SALL2: variants seen among roughly 807,000 people sequenced by gnomAD.
The protein encoded by SALL2 is sal-like protein 2.
In SALL2, 32 loss-of-function variants were observed where a neutral mutation model predicts 58.5. The observed-to-expected ratio is 0.55, with a 90% CI of 0.41 to 0.74. The LOEUF is 0.74. SALL2 is among the 30% of genes least tolerant of loss of function. The pLI is 0.00. For missense variants in SALL2, 1,201 were observed against 1,268.9 expected (o/e 0.95, Z 0.81); for synonymous variants, 516 against 513.6 (o/e 1.00, Z -0.06).
Position 21,526,135 on chromosome 14 carries a change from G to A in SALL2, c.-8C>T, listed in dbSNP as rs1267607978. The A allele has an allele frequency of 1.3e-6, 2 of 1,540,848 alleles. No homozygotes were observed. Among genetic ancestry groups the A allele is most frequent in the Non-Finnish European group, 1.7e-6 (2 of 1,149,684 alleles). On this transcript the variant is annotated 5_prime_UTR_variant, in exon 1 of 2. Coordinates refer to ENST00000537235, the MANE Select transcript of SALL2 (RefSeq NM_001364564.1). ...CTCGGATTCGTGCGCCATGGTTGTGGGGGAAGTGGAGGGCCAGGTGGGGTG... is the reference window on the plus strand; with the variant it reads ...CTCGGATTCGTGCGCCATGGTTGTGAGGGAAGTGGAGGGCCAGGTGGGGTG...
At chr14:21,526,786 C>T (rs1892329481), upstream of SALL2, among the ~76,000 whole-genome samples, 1 of 152,142 alleles carries the variant, frequency 6.6e-6, no homozygotes, top group Admixed American at 6.5e-5. Context: ...ATCCACTCCT[C>T]ACCAGCACAC....
At position 21,522,498 on chromosome 14, in the gene SALL2, A is replaced by G; in HGVS notation, c.*206T>C. On this transcript the variant is annotated 3_prime_UTR_variant, in exon 2 of 2. Coordinates refer to ENST00000537235, the MANE Select transcript of SALL2 (RefSeq NM_001364564.1). ...CTATGTTCCTCAGGTACAAAGAATG[A>G]GGAGGGAAGAAAAATTCCTTAGGGG... The G allele has an allele frequency of 7.2e-7, 1 of 1,388,622 alleles. No homozygotes were observed. The highest frequency in any genetic ancestry group is 1.9e-5 in the South Asian group (1 of 53,408). 86.0% of individuals were successfully genotyped at this position (1,388,622 alleles called of 1,614,324 possible). A position where few individuals can be genotyped will look rare whatever the true frequency, so the allele number is the denominator to read the frequency against.
rs1270525206 is a variant in SALL2 at position 21,524,342 on chromosome 14, C to T, written c.1380G>A (p.Glu460=). The change falls in exon 2 of 2, where the codon GAG becomes GAA. Residue 460 remains glutamate, a synonymous_variant. Coordinates refer to ENST00000537235, the MANE Select transcript of SALL2 (RefSeq NM_001364564.1). ...CTCCACCTGGAGTGGCTGCCTCCTC[C>T]TCGGCCTTCTCTGGTGGCACGGACA... ...YGMSVPPEKA[E]EEAATPGGGV... The T allele has an allele frequency of 6.2e-7, 1 of 1,614,036 alleles. No homozygotes were observed. The highest frequency in any genetic ancestry group is 1.1e-5 in the South Asian group (1 of 91,080).
At position 21,525,800 on chromosome 14, in the gene SALL2, G is replaced by T. The variant is rs1892278290; in HGVS notation, c.68-146C>A. 2.2e-6 allele frequency: 2 copies of T among 910,516 alleles called. No individual in the cohort carries two copies. Among genetic ancestry groups the T allele is most frequent in the South Asian group, 1.7e-5 (1 of 57,826 alleles). 56.4% of individuals were successfully genotyped at this position (910,516 alleles called of 1,614,324 possible). Reference sequence around the variant, plus strand: ...GGGCCATGCAGAAGTCTAGAGCTCAGGCCTGATCCGTGTGGACAGGAGACA... The same window carrying T: ...GGGCCATGCAGAAGTCTAGAGCTCATGCCTGATCCGTGTGGACAGGAGACA... On this transcript the variant is annotated intron_variant, in intron 1 of 1. Transcript: ENST00000537235. This position sits in a 1 kb window ranked among gnomAD's most constrained non-coding sequence, Gnocchi z 4.4.
In SALL2 at chr14:21,526,083, G is replaced by A. The variant is rs1202727888; in HGVS notation, c.45C>T (p.Cys15=). 4.6e-6 allele frequency: 7 copies of A among 1,517,736 alleles called. No individual in the cohort carries two copies. The highest frequency in any genetic ancestry group is 1.4e-5 in the African/African-American group (1 of 72,216). The allele number at this position is 1,517,736 out of a possible 1,614,324, so 94.0% of individuals were successfully genotyped here. ...CACCTCCGAGCTCTGCCGGCTCCCCGCAGGGCACCCCGAGACGAGAGCTCC... is the reference window on the plus strand; with the variant it reads ...CACCTCCGAGCTCTGCCGGCTCCCCACAGGGCACCCCGAGACGAGAGCTCC... ...SERSSRLGVP[C]GEPAELGGDA... Residue 15 remains cysteine (C), a synonymous_variant, in exon 1 of 2, where the codon TGC becomes TGT. Coordinates refer to ENST00000537235, the MANE Select transcript of SALL2 (RefSeq NM_001364564.1).
rs3177954 is a variant in SALL2 at position 21,521,695 on chromosome 14, T to C, written c.*1009A>G. On this transcript the variant is annotated 3_prime_UTR_variant, in exon 2 of 2. Coordinates refer to ENST00000537235, the MANE Select transcript of SALL2 (RefSeq NM_001364564.1). ...TCTCTCATCATTAGTTCATCAACCA[T>C]GCTGACCAAAAATGCTCCTTAAAGA... The C allele has an allele frequency of 0.23, 68,277 of 290,628 alleles. 8,346 individuals carry two copies. The highest frequency in any genetic ancestry group is 0.25 in the Non-Finnish European group (37,945 of 152,504). 18.0% of individuals were successfully genotyped at this position (290,628 alleles called of 1,614,324 possible).
rs967236390 is a variant in SALL2 at position 21,526,292 on chromosome 14, G to A, written c.-165C>T. 1.4e-6 allele frequency: 2 copies of A among 1,439,052 alleles called. No individual in the cohort carries two copies. Among genetic ancestry groups the A allele is most frequent in the Admixed American group, 2.8e-5 (1 of 36,206 alleles). The allele number at this position is 1,439,052 out of a possible 1,614,324, so 89.1% of individuals were successfully genotyped here. On this transcript the variant is annotated 5_prime_UTR_variant, in exon 1 of 2. Transcript: ENST00000537235. ...GCAGGGAGCAGCGGCGGAGGGGGAG[G>A]GGAGCGAGGAGGCGGGGAGAAGCTG...
chr14:21,522,489 C>A lies in SALL2; in HGVS notation c.*215G>T. 4 of 1,391,734 alleles carry A rather than the reference C, an allele frequency of 2.9e-6. No homozygotes were observed. The highest frequency in any genetic ancestry group is 3.7e-6 in the Non-Finnish European group (4 of 1,077,686). The allele number at this position is 1,391,734 out of a possible 1,614,324, so 86.2% of individuals were successfully genotyped here. A position where few individuals can be genotyped will look rare whatever the true frequency, so the allele number is the denominator to read the frequency against. On this transcript the variant is annotated 3_prime_UTR_variant, in exon 2 of 2. Transcript: ENST00000537235. ...GCAGAGAATCTATGTTCCTCAGGTA[C>A]AAAGAATGAGGAGGGAAGAAAAATT...
chr14:21,530,281 C>CTTT (rs34598628), upstream of SALL2, among the ~76,000 whole-genome samples: 414 of 64,708 alleles, frequency 6.4e-3, no homozygotes, highest in African/African-American at 9.0e-3. Context: ...TTTTTTCTTT[C>CTTT]TTTTTTTTTT....
At position 21,524,220 on chromosome 14, in the gene SALL2, G is replaced by A; in HGVS notation, c.1502C>T (p.Pro501Leu). Residue 501 changes from proline to leucine, a missense_variant, in exon 2 of 2, where the codon CCA (proline) becomes CTA (leucine). Transcript: ENST00000537235. ...AAACTTATTGAAAGCAGGGAGTCCT[G>A]GAGCCGTGGCTGTGCCTGCACTGGT... ...LSTSAGTATA[P>L]GLPAFNKFVL... The A allele has an allele frequency of 1.2e-6, 2 of 1,612,578 alleles. No individual in the cohort carries two copies. The highest frequency in any genetic ancestry group is 1.7e-6 in the Non-Finnish European group (2 of 1,179,190).
At position 21,522,433 on chromosome 14, in the gene SALL2, G is replaced by T; in HGVS notation, c.*271C>A. ...GAGGGGGAAGAAGGGTCACACCAGG[G>T]AAGCTGGAGAGGGTTCCCCTTGAGA... On this transcript the variant is annotated 3_prime_UTR_variant, in exon 2 of 2. Transcript: ENST00000537235. 1.4e-6 allele frequency: 2 copies of T among 1,409,926 alleles called. No individual in the cohort carries two copies. The highest frequency in any genetic ancestry group is 1.8e-6 in the Non-Finnish European group (2 of 1,085,736). The allele number at this position is 1,409,926 out of a possible 1,614,324, so 87.3% of individuals were successfully genotyped here. A position where few individuals can be genotyped will look rare whatever the true frequency, so the allele number is the denominator to read the frequency against.
intron 1 of SALL2, among the ~76,000 whole-genome samples, chr14:21,534,539 T>C (rs1286872436): frequency 2.0e-5 from 3 of 152,118 alleles, no homozygotes; most frequent in African/African-American, 7.2e-5. Context: ...AGACAGCCGC[T>C]AAAGATAGCT....
Position 21,525,952 on chromosome 14 carries a change from G to A in SALL2, c.67+109C>T. Reference sequence around the variant, plus strand: ...TTCACGGAATAGGTGTGGGGACAGGGGCCTACGCAGAGAATCATGCATTTT... The same window carrying A: ...TTCACGGAATAGGTGTGGGGACAGGAGCCTACGCAGAGAATCATGCATTTT... On this transcript the variant is annotated intron_variant, in intron 1 of 1. Coordinates refer to ENST00000537235, the MANE Select transcript of SALL2 (RefSeq NM_001364564.1). The surrounding 1 kb of genome is among the most constrained non-coding windows in gnomAD (Gnocchi z 4.4). 9.2e-7 allele frequency: 1 copy of A among 1,082,266 alleles called. No individual in the cohort carries two copies. The highest frequency in any genetic ancestry group is 1.4e-6 in the Non-Finnish European group (1 of 737,218). The allele number at this position is 1,082,266 out of a possible 1,614,324, so 67.0% of individuals were successfully genotyped here. A position where few individuals can be genotyped will look rare whatever the true frequency, so the allele number is the denominator to read the frequency against.
chr14:21,534,813 G>A (rs1318467619), intron 1 of SALL2, among the ~76,000 whole-genome samples: 1 of 152,100 alleles, frequency 6.6e-6, no homozygotes, highest in Non-Finnish European at 1.5e-5. Flanking sequence ...TGTCTCAGGA[G>A]GGAAGGATGC....
At position 21,526,176 on chromosome 14, in the gene SALL2, TG is replaced by T; in HGVS notation, c.-50del. On this transcript the variant is annotated 5_prime_UTR_variant, in exon 1 of 2. Transcript: ENST00000537235. ...AGGTGGGGTGGGAGACAATGGATAT[TG>T]GGATTGAGGGAGGCGATGGCCGCTG... is the stretch of plus-strand genomic sequence containing the variant. 1 of 1,534,334 alleles carries T rather than the reference TG, an allele frequency of 6.5e-7. No individual in the cohort carries two copies. Among genetic ancestry groups the T allele is most frequent in the Non-Finnish European group, 8.7e-7 (1 of 1,146,326 alleles).
At position 21,524,250 on chromosome 14, in the gene SALL2, A is replaced by G. The variant is rs1388592902; in HGVS notation, c.1472T>C (p.Leu491Pro). 6.2e-7 allele frequency: 1 copy of G among 1,613,500 alleles called. No homozygotes were observed. The highest frequency in any genetic ancestry group is 8.5e-7 in the Non-Finnish European group (1 of 1,179,846). ...ALSATESLTLLSTSAGTATAP... is the reference protein window; with the variant it reads ...ALSATESLTLPSTSAGTATAP... ...CGTGGCTGTGCCTGCACTGGTGGAG[A>G]GCAGAGTCAGGCTCTCTGTGGCACT... The change falls in exon 2 of 2, where the codon CTC becomes CCC. Residue 491 changes from leucine (L) to proline (P), a missense_variant. Physicochemically the swap from Leu to Pro is moderately conservative, Grantham distance 98. This residue lies in a region of SALL2 where 675 missense variants were observed against 683.8 expected (regional missense o/e 0.99). Transcript: ENST00000537235.
chr14:21,535,213 C>T (rs567528623), intron 1 of SALL2, among the ~76,000 whole-genome samples: 55 of 152,010 alleles, frequency 3.6e-4, no homozygotes, highest in Non-Finnish European at 6.2e-4. Context: ...GGCGTGGTGG[C>T]AGGCGCCTAT....
chr14:21,525,680 C>T lies in SALL2; in HGVS notation c.68-26G>A, dbSNP rs748195761. On this transcript the variant is annotated intron_variant, in intron 1 of 1. Coordinates refer to ENST00000537235, the MANE Select transcript of SALL2 (RefSeq NM_001364564.1). This position sits in a 1 kb window ranked among gnomAD's most constrained non-coding sequence, Gnocchi z 4.4. Reference sequence around the variant, plus strand: ...CTGGGGAGAAGACAAGGAGAGAGAGCGTGGGTGGCGCAGTTGGGTTGGGTA... The same window carrying T: ...CTGGGGAGAAGACAAGGAGAGAGAGTGTGGGTGGCGCAGTTGGGTTGGGTA... 3 of 1,541,048 alleles carry T rather than the reference C, an allele frequency of 1.9e-6. No individual in the cohort carries two copies. Among genetic ancestry groups the T allele is most frequent in the Admixed American group, 3.9e-5 (2 of 51,142 alleles).
At chr14:21,536,812 T>C in intron 1 of SALL2, 1 of 1,589,594 alleles carries the variant, frequency 6.3e-7, no homozygotes, top group Non-Finnish European at 8.6e-7. Context: ...CACACAGGCT[T>C]GGACTTAGGG....
Sources: gnomAD v4.1 joint callset for allele counts (sites outside exome capture counted in the v4.1 genomes callset) on GRCh38, gnomAD v4.1.1 for gene constraint, gnomAD v4.1.1 regional missense constraint, Gnocchi (gnomAD v3.1) non-coding constraint, MANE v1.5 for transcripts, NCBI Gene and HGNC (gene_info 2026-07-23, HGNC 2026-07-21) for gene names.